Variants in IK observed in about 807,000 individuals in gnomAD.
The protein encoded by IK is IK cytokine, also known as protein Red.
IK carries 47 observed loss-of-function variants against 90.9 expected under a neutral mutation model. The observed-to-expected ratio is 0.52, with a 90% confidence interval of 0.41 to 0.66. IK has a LOEUF of 0.66. IK is among the 30% of genes least tolerant of loss of function. The pLI, the probability that IK is intolerant of heterozygous loss-of-function variation, is 0.00. For missense variants in IK, 385 were observed against 709.3 expected (o/e 0.54, Z 5.19); for synonymous variants, 201 against 227.5 (o/e 0.88, Z 1.05).
rs752550231 is a variant in IK, at chr5:140,658,944, T to C, written c.956T>C (p.Phe319Ser). The change falls in exon 12 of 20, where the codon TTT becomes TCT. Residue 319 changes from phenylalanine to serine, a missense_variant. By Grantham distance (155) the Phe-to-Ser change is radical. Coordinates refer to ENST00000417647, the MANE Select transcript of IK (RefSeq NM_006083.4). ...AGTGATCTCCATTTTCCCAGTATTT[T>C]TGAAGACATTGGGGATTACGTACCC... is the stretch of plus-strand genomic sequence containing the variant. ...KKPPEADMNI[F>S]EDIGDYVPST... 1 of 1,613,914 alleles carries C rather than the reference T, an allele frequency of 6.2e-7. No homozygotes were observed. Among genetic ancestry groups the C allele is most frequent in the East Asian group, 2.2e-5 (1 of 44,876 alleles).
At chr5:140,660,289 C>CTTATTTTTTT in intron 15 of IK, 94 bp downstream of exon 15, 1 of 282,646 alleles carries the variant, frequency 3.5e-6, no homozygotes. Flanking sequence ...CCCAGGGCTA[C>CTTATTTTTTT]TTCTTTTTTT....
chr5:140,661,759 G>C lies in IK; in HGVS notation c.1502+51G>C. The C allele has an allele frequency of 2.0e-6, 3 of 1,466,266 alleles. No individual in the cohort carries two copies. Among genetic ancestry groups the C allele is most frequent in the Non-Finnish European group, 2.8e-6 (3 of 1,062,564 alleles). 90.8% of individuals were successfully genotyped at this position (1,466,266 alleles called of 1,614,324 possible). A position where few individuals can be genotyped will look rare whatever the true frequency, so the allele number is the denominator to read the frequency against. On this transcript the variant is annotated intron_variant, in intron 17 of 19. Coordinates refer to ENST00000417647, the MANE Select transcript of IK (RefSeq NM_006083.4). The surrounding 1 kb of genome is among the most constrained non-coding windows in gnomAD (Gnocchi z 4.2). ...GGTGTGAGGAGGGGTGTGGGGATTT[G>C]GTGGAATAGTGCATATAAGGTTAGA... is the stretch of plus-strand genomic sequence containing the variant.
chr5:140,659,883 T>C, intron 14 of IK, 49 bp downstream of exon 14: 1 of 1,327,536 alleles, frequency 7.5e-7, no homozygotes, highest in Non-Finnish European at 1.1e-6. Context: ...CTGGTCTCTT[T>C]ACTCCAACCC....
chr5:140,660,292 C>CTTTTTTTTGTTTT (rs1757781672), intron 15 of IK, 97 bp downstream of exon 15: 1 of 245,104 alleles, frequency 4.1e-6, no homozygotes, highest in African/African-American at 5.2e-5. Flanking sequence ...AGGGCTACTT[C>CTTTTTTTTGTTTT]TTTTTTTTTT....
intron 6 of IK, 49 bp downstream of exon 6, chr5:140,654,101 C>G (rs746495651): frequency 2.9e-6 from 3 of 1,038,886 alleles, no homozygotes; most frequent in Admixed American, 1.9e-5. Context: ...GCTGAATGCT[C>G]TTGTATGGGT....
At chr5:140,653,200 A>G in intron 5 of IK, 56 bp downstream of exon 5, 2 of 1,458,684 alleles carry the variant, frequency 1.4e-6, no homozygotes, top group Non-Finnish European at 1.9e-6. Flanking sequence ...TCATGCAAAT[A>G]CAATGTGAAC....
Position 140,659,025 on chromosome 5 carries a change from G to A in IK, c.1037G>A (p.Arg346His), listed in dbSNP as rs538502414. 3.0e-5 allele frequency: 48 copies of A among 1,612,768 alleles called. No individual in the cohort carries two copies. Among genetic ancestry groups the A allele is most frequent in the South Asian group, 2.2e-4 (20 of 91,048 alleles). ...CGGGAGAGATATCGGGAACGGGAGCGTGATCGGGAAAGAGACAGAGACCGT... is the reference window on the plus strand; with the variant it reads ...CGGGAGAGATATCGGGAACGGGAGCATGATCGGGAAAGAGACAGAGACCGT... ...KERERYRERE[R>H]DRERDRDRDR... The change falls in exon 12 of 20, where the codon CGT becomes CAT. Residue 346 changes from arginine (R) to histidine (H), a missense_variant. By Grantham distance (29) the Arg-to-His change is conservative. Transcript: ENST00000417647.
chr5:140,659,967 A>G (rs1297770160), intron 14 of IK, 133 bp downstream of exon 14: 8 of 928,806 alleles, frequency 8.6e-6, no homozygotes, highest in Admixed American at 4.1e-5. Context: ...GAATGAAACC[A>G]TCCCTTGTTC....
At chr5:140,651,950 T>C (rs565440393) in intron 3 of IK, 138 bp from the exon 4 acceptor site, 1 of 828,672 alleles carries the variant, frequency 1.2e-6, no homozygotes, top group African/African-American at 1.7e-5. Context: ...CTACAAATAT[T>C]GGTGTGGATT....
chr5:140,656,216 C>G (rs1451590482), intron 9 of IK, among the ~76,000 whole-genome samples: 1 of 152,028 alleles, frequency 6.6e-6, no homozygotes, highest in African/African-American at 2.4e-5. Context: ...TTTTAGAGAC[C>G]AAGTCTCACT....
chr5:140,660,081 A>C (rs762318958), intron 14 of IK, 34 bp from the exon 15 acceptor site: 1 of 1,579,036 alleles, frequency 6.3e-7, no homozygotes, highest in Admixed American at 1.7e-5. Flanking sequence ...CAATAGGTAG[A>C]ATCCTGTGTA....
At position 140,647,843 on chromosome 5, in the gene IK, A is replaced by G. The variant is rs747666614; in HGVS notation, c.-66A>G. The stretch of plus-strand genomic sequence containing the variant: ...GATTCTGAGGTGCACTGTGGGAAAG[A>G]GCTTGTCGCTGCGGTGTTGCTGTTG... On this transcript the variant is annotated 5_prime_UTR_variant, in exon 1 of 20. Transcript: ENST00000417647. 6.3e-7 allele frequency: 1 copy of G among 1,596,906 alleles called. No homozygotes were observed. The highest frequency in any genetic ancestry group is 8.6e-7 in the Non-Finnish European group (1 of 1,164,344).
chr5:140,651,864 C>A, intron 3 of IK, 58 bp downstream of exon 3: 1 of 1,130,882 alleles, frequency 8.8e-7, no homozygotes, highest in Non-Finnish European at 1.3e-6. Context: ...CTTCCTATTT[C>A]TTTCTACTAA....
rs1253209288 is a variant in IK, at chr5:140,651,814, T to A, written c.176+8T>A. The A allele has an allele frequency of 1.3e-6, 2 of 1,559,214 alleles. No individual in the cohort carries two copies. Among genetic ancestry groups the A allele is most frequent in the South Asian group, 1.1e-5 (1 of 89,512 alleles). ...TAAGTCACGTCACCATGAGTAAGTC[T>A]TTGGGTGATCCAACCTGTCTCCCAA... On this transcript the variant is annotated splice_region_variant and intron_variant, in intron 3 of 19. Transcript: ENST00000417647.
chr5:140,658,823 A>G (rs377276003), intron 11 of IK, 47 bp downstream of exon 11: 140 of 1,598,004 alleles, frequency 8.8e-5, no homozygotes, highest in Non-Finnish European at 1.2e-4. Context: ...GGGGGTCTGT[A>G]CATTTCTTGT....
chr5:140,651,401 T>A (rs1278085304), intron 2 of IK, among the ~76,000 whole-genome samples: 2 of 149,002 alleles, frequency 1.3e-5, no homozygotes, highest in Non-Finnish European at 3.0e-5. Context: ...ATCATGCCAC[T>A]GCACTCCAGC....
rs770748197 is a variant in IK at position 140,654,693 on chromosome 5, T to A, written c.603T>A (p.Asp201Glu). 3 of 1,604,400 alleles carry A rather than the reference T, an allele frequency of 1.9e-6. No homozygotes were observed. The highest frequency in any genetic ancestry group is 2.6e-6 in the Non-Finnish European group (3 of 1,173,608). Residue 201 changes from aspartate (D) to glutamate (E), a missense_variant, in exon 8 of 20, where the codon GAT becomes GAA. Coordinates refer to ENST00000417647, the MANE Select transcript of IK (RefSeq NM_006083.4). ...TTTGTCTTTTCAGGAAAGATGAGGA[T>A]CCTGAAAATAAAATTGAATTTAAAA... is the stretch of plus-strand genomic sequence containing the variant. ...KPQKETKKDEDPENKIEFKTR... is the reference protein window; with the variant it reads ...KPQKETKKDEEPENKIEFKTR...
chr5:140,653,167 A>G (rs1394186973), intron 5 of IK, 23 bp downstream of exon 5: 5 of 1,591,938 alleles, frequency 3.1e-6, no homozygotes, highest in Non-Finnish European at 4.3e-6. Context: ...GGAACAGGGC[A>G]TGGTTCCCTC....
At position 140,647,890 on chromosome 5, in the gene IK, G is replaced by T. The variant is rs553111700; in HGVS notation, c.-19G>T. On this transcript the variant is annotated 5_prime_UTR_variant, in exon 1 of 20. Transcript: ENST00000417647. The stretch of plus-strand genomic sequence containing the variant: ...GTTGGAGACTCGATTGTTGGTGACA[G>T]CGAAAGAACGATAACAAAATGCCGG... 5.9e-5 allele frequency: 95 copies of T among 1,613,954 alleles called. No homozygotes were observed. The South Asian group carries it at 1.0e-3, about 17-fold the overall frequency.
Sources: gnomAD v4.1 joint callset for allele counts (sites outside exome capture counted in the v4.1 genomes callset) on GRCh38, gnomAD v4.1.1 for gene constraint, Gnocchi (gnomAD v3.1) non-coding constraint, MANE v1.5 for transcripts, NCBI Gene and HGNC (gene_info 2026-07-23, HGNC 2026-07-21) for gene names.